Variants in PHYH observed in about 807,000 individuals in gnomAD.
PHYH encodes phytanoyl-CoA 2-hydroxylase.
A neutral mutation model predicts 38.5 loss-of-function variants in PHYH; 32 were observed. That is an observed-to-expected ratio of 0.83 (90% CI 0.63 to 1.12). The LOEUF is 1.12. PHYH is among the 50% of genes most tolerant of loss of function. The probability of loss-of-function intolerance (pLI) is 0.00; values close to 1 mark genes in which losing one functional copy is unlikely to be tolerated. For synonymous variants in PHYH, 166 were observed against 157.9 expected (o/e 1.05, Z -0.38); for missense variants, 426 against 434.8 (o/e 0.98, Z 0.18).
chr10:13,294,345 T>C, intron 4 of PHYH, 83 bp downstream of exon 4: 1 of 1,336,134 alleles, frequency 7.5e-7, no homozygotes, highest in Non-Finnish European at 1.1e-6. Context: ...AGTGAGCCAC[T>C]GCGCCCGGCC....
chr10:13,278,035 A>C lies in PHYH; in HGVS notation c.*266T>G, dbSNP rs1212416888. On this transcript the variant is annotated 3_prime_UTR_variant, in exon 9 of 9. Coordinates refer to ENST00000263038, the MANE Select transcript of PHYH (RefSeq NM_006214.4). The stretch of plus-strand genomic sequence containing the variant: ...ATGAAAGAAATTGATTTAACACTTA[A>C]ATTAGACACCAACCACCTTTATTGG... 1 of 445,964 alleles carries C rather than the reference A, an allele frequency of 2.2e-6. No individual in the cohort carries two copies. Among genetic ancestry groups the C allele is most frequent in the Non-Finnish European group, 4.1e-6 (1 of 242,908 alleles). 27.6% of individuals were successfully genotyped at this position (445,964 alleles called of 1,614,324 possible). A position where few individuals can be genotyped will look rare whatever the true frequency, so the allele number is the denominator to read the frequency against.
chr10:13,284,377 T>G (rs1311772394), intron 6 of PHYH, among the ~76,000 whole-genome samples: 2 of 152,160 alleles, frequency 1.3e-5, no homozygotes, highest in Admixed American at 1.3e-4. Flanking sequence ...AAATCACTGA[T>G]TTTTTGGAGG....
chr10:13,289,976 C>A (rs1405925422), intron 5 of PHYH, among the ~76,000 whole-genome samples: 8 of 142,486 alleles, frequency 5.6e-5, no homozygotes, highest in African/African-American at 1.0e-4. Flanking sequence ...GAAAAAAAAA[C>A]ACACAAAACA....
intron 8 of PHYH, 77 bp downstream of exon 8, chr10:13,280,899 C>G (rs1835394046): frequency 7.4e-7 from 1 of 1,351,492 alleles, no homozygotes; most frequent in African/African-American, 1.4e-5. Context: ...GTCAAATAAA[C>G]TAGGTATGAG....
intron 2 of PHYH, among the ~76,000 whole-genome samples, chr10:13,296,525 T>G (rs1360951423): frequency 7.2e-6 from 1 of 138,374 alleles, no homozygotes; most frequent in South Asian, 2.2e-4. Flanking sequence ...ATTGCACCAG[T>G]GCACTCCAGC....
chr10:13,285,464 G>A (rs528215377), intron 6 of PHYH, among the ~76,000 whole-genome samples: 55 of 151,974 alleles, frequency 3.6e-4, no homozygotes, highest in South Asian at 2.1e-4. Flanking sequence ...GATTATAGGC[G>A]TGAGCCACTG....
At chr10:13,291,104 CAAAAAAA>C (rs367712215) in intron 5 of PHYH, among the ~76,000 whole-genome samples, 2 of 76,346 alleles carry the variant, frequency 2.6e-5, no homozygotes, top group Admixed American at 1.7e-4. Context: ...AACTCCATCT[CAAAAAAA>C]AAAAAAAAAA....
chr10:13,283,755 T>A lies in PHYH; in HGVS notation c.763A>T (p.Thr255Ser), dbSNP rs1349650193. 1 of 1,613,976 alleles carries A rather than the reference T, an allele frequency of 6.2e-7. No homozygotes were observed. The highest frequency in any genetic ancestry group is 1.3e-5 in the African/African-American group (1 of 74,918). ...RVHLVMEKGD[T>S]VFFHPLLIHG... ...ATGAGCAAAGGATGGAAGAAAACAG[T>A]GTCGCCCTTCTCCATCACCAGGTGC... The change falls in exon 7 of 9, where the codon ACT becomes TCT. Residue 255 changes from threonine to serine, a missense_variant. Coordinates refer to ENST00000263038, the MANE Select transcript of PHYH (RefSeq NM_006214.4).
intron 8 of PHYH, among the ~76,000 whole-genome samples, chr10:13,280,037 C>T (rs1313034580): frequency 6.6e-6 from 1 of 150,840 alleles, no homozygotes; most frequent in Non-Finnish European, 1.5e-5. Context: ...GGCATGATCT[C>T]GGCTCACTGC....
intron 8 of PHYH, among the ~76,000 whole-genome samples, chr10:13,280,117 T>C (rs1375265656): frequency 2.0e-5 from 3 of 151,844 alleles, no homozygotes; most frequent in African/African-American, 7.3e-5. Context: ...TACAGGCATG[T>C]GCCACCAGAC....
chr10:13,289,990 C>T (rs984392365), intron 5 of PHYH, among the ~76,000 whole-genome samples: 11 of 147,586 alleles, frequency 7.5e-5, no homozygotes, highest in Non-Finnish European at 1.0e-4. Context: ...CAAAACAGGA[C>T]GGGCACGGTG....
intron 3 of PHYH, 68 bp from the exon 4 acceptor site, chr10:13,294,664 T>C: frequency 7.2e-7 from 1 of 1,390,390 alleles, no homozygotes; most frequent in South Asian, 1.2e-5. Flanking sequence ...CCCTCCTCTG[T>C]GGAAAGGGTT....
chr10:13,286,537 CT>C (rs1835554077), intron 6 of PHYH, among the ~76,000 whole-genome samples: 1 of 151,910 alleles, frequency 6.6e-6, no homozygotes, highest in Non-Finnish European at 1.5e-5. Flanking sequence ...CTCGTCTCTA[CT>C]AAAAATATAA....
chr10:13,283,615 G>C, intron 7 of PHYH, 75 bp downstream of exon 7: 1 of 1,396,952 alleles, frequency 7.2e-7, no homozygotes, highest in South Asian at 1.2e-5. Context: ...CAATTAATTT[G>C]AATTCAATGA....
chr10:13,294,942 A>T (rs1835806145), intron 3 of PHYH: 1 of 363,776 alleles, frequency 2.7e-6, no homozygotes, highest in South Asian at 2.3e-5. Flanking sequence ...CCTAATAACA[A>T]CACTAGGACA....
intron 5 of PHYH, among the ~76,000 whole-genome samples, chr10:13,290,991 G>A (rs1043359727): frequency 6.6e-6 from 1 of 151,560 alleles, no homozygotes; most frequent in African/African-American, 2.4e-5. Context: ...CAGTTACTTG[G>A]GAGACTGAGG....
At chr10:13,289,395 CTG>C (rs1835646538) in intron 5 of PHYH, among the ~76,000 whole-genome samples, 2 of 151,822 alleles carry the variant, frequency 1.3e-5, no homozygotes, top group Non-Finnish European at 2.9e-5. Flanking sequence ...CGGGGTTTCA[CTG>C]TGTTAGCCAG....
chr10:13,279,157 C>G (rs564790799), intron 8 of PHYH, among the ~76,000 whole-genome samples: 1 of 152,240 alleles, frequency 6.6e-6, no homozygotes, highest in Admixed American at 6.5e-5. Context: ...TGCCACCACA[C>G]CCGGCTAATT....
chr10:13,278,793 G>T (rs545217557), intron 8 of PHYH, among the ~76,000 whole-genome samples: 1 of 152,280 alleles, frequency 6.6e-6, no homozygotes, highest in South Asian at 2.1e-4. Flanking sequence ...GCCTTGCAAA[G>T]CCTCCCAAGT....
Sources: allele counts gnomAD v4.1 joint callset (sites outside exome capture counted in the v4.1 genomes callset), GRCh38; gene constraint gnomAD v4.1.1; transcripts MANE v1.5; gene names NCBI Gene and HGNC (gene_info 2026-07-23, HGNC 2026-07-21).